CCDC171: variants seen among roughly 807,000 people sequenced by gnomAD.
CCDC171 encodes coiled-coil domain containing 171.
A neutral mutation model predicts 168.2 loss-of-function variants in CCDC171; 177 were observed. That is an observed-to-expected ratio of 1.05 (90% CI 0.93 to 1.19). The LOEUF is 1.19. Among genes scored for constraint, CCDC171 ranks in the 50% most tolerant of loss-of-function variants. The probability of loss-of-function intolerance (pLI) is 0.00; values close to 1 mark genes in which losing one functional copy is unlikely to be tolerated. For missense variants in CCDC171, 1,991 were observed against 1,539.0 expected (o/e 1.29, Z -4.91); for synonymous variants, 687 against 540.8 (o/e 1.27, Z -3.75).
chr9:15,605,342 T>C (rs2043140648), intron 6 of CCDC171, among the ~76,000 whole-genome samples: 1 of 151,888 alleles, frequency 6.6e-6, no homozygotes, highest in Non-Finnish European at 1.5e-5. Context: ...TATTAACAAA[T>C]GGCATAGAAA....
rs58951910 is a variant in CCDC171 at position 15,983,817 on chromosome 9, A to AGTGTGTGT, written n.369-36739_369-36732dup. 4.7e-3 allele frequency among the ~76,000 whole-genome samples: 669 copies of AGTGTGTGT among 142,588 alleles called. 1 individual carries two copies. The highest frequency in any genetic ancestry group is 0.011 in the Middle Eastern group (3 of 276). 93.5% of individuals were successfully genotyped at this position (142,588 alleles called of 152,430 possible). ...AGGGAGGCAAGAGCTAAATAAAGAG[A>AGTGTGTGT]GTGTGTGTGTGTGTGTGTGTGTGTG... On this transcript the variant is annotated intron_variant and non_coding_transcript_variant, in intron 3 of 9. Coordinates refer to the CCDC171 transcript ENST00000486641.
chr9:15,651,953 G>A (rs2047560608), intron 7 of CCDC171, among the ~76,000 whole-genome samples: 1 of 152,030 alleles, frequency 6.6e-6, no homozygotes, highest in South Asian at 2.1e-4. Context: ...TATTGCTGAG[G>A]CTGGAGTGCA....
chr9:15,916,578 C>G (rs1448088026), intron 24 of CCDC171, among the ~76,000 whole-genome samples: 1 of 151,740 alleles, frequency 6.6e-6, no homozygotes, highest in Non-Finnish European at 1.5e-5. Context: ...AATATCAGTC[C>G]CCCAACTATC....
intron 18 of CCDC171, among the ~76,000 whole-genome samples, chr9:15,757,035 T>C (rs894811961): frequency 2.6e-5 from 4 of 152,200 alleles, no homozygotes; most frequent in African/African-American, 7.2e-5. Context: ...GAAAATGGAC[T>C]AACTAATACA....
At chr9:16,037,886 G>A (rs1307350161), upstream of CCDC171, among the ~76,000 whole-genome samples, 2 of 151,980 alleles carry the variant, frequency 1.3e-5, no homozygotes, top group African/African-American at 4.8e-5. Flanking sequence ...GAAATATTCA[G>A]AGAGAAAAAA....
At chr9:16,044,420 C>T (rs371987342) in intron 1 of CCDC171, among the ~76,000 whole-genome samples, 3 of 151,294 alleles carry the variant, frequency 2.0e-5, no homozygotes, top group East Asian at 3.9e-4. Flanking sequence ...ATCCATTGCT[C>T]ATATACATAG....
At chr9:15,662,819 A>G (rs983047751) in intron 8 of CCDC171, among the ~76,000 whole-genome samples, 3 of 151,956 alleles carry the variant, frequency 2.0e-5, no homozygotes, top group African/African-American at 4.8e-5. Context: ...CTACTAAAAA[A>G]AAAATACCAA....
At chr9:15,563,607 T>C (rs1445257790) in intron 1 of CCDC171, among the ~76,000 whole-genome samples, 2 of 152,208 alleles carry the variant, frequency 1.3e-5, no homozygotes, top group African/African-American at 4.8e-5. Context: ...TGTCTACCAC[T>C]ATTTCCAACC....
chr9:15,585,867 T>C (rs1230146795), intron 4 of CCDC171, among the ~76,000 whole-genome samples: 2 of 151,992 alleles, frequency 1.3e-5, no homozygotes, highest in Non-Finnish European at 2.9e-5. Context: ...TTTCAACTAC[T>C]CAGGAGGCTG....
intron 3 of CCDC171, among the ~76,000 whole-genome samples, chr9:15,573,980 CTTTTA>C (rs2040436825): frequency 6.6e-6 from 1 of 152,008 alleles, no homozygotes; most frequent in Non-Finnish European, 1.5e-5. Context: ...ACACTGTTCT[CTTTTA>C]TTTGATCAAA....
rs992854203 is a variant in CCDC171 at position 15,947,098 on chromosome 9, A to G, written c.3754-24511A>G. On this transcript the variant is annotated intron_variant, in intron 25 of 25. Coordinates refer to ENST00000380701, the MANE Select transcript of CCDC171 (RefSeq NM_173550.4). Reference sequence around the variant, plus strand: ...ACTAAGTTGGGATTTTAGAAAGACAACAAATACCTATAATATGAATTTGGA... The same window carrying G: ...ACTAAGTTGGGATTTTAGAAAGACAGCAAATACCTATAATATGAATTTGGA... Among the ~76,000 whole-genome samples, 8 of 152,010 alleles carry G rather than the reference A, an allele frequency of 5.3e-5. No individual in the cohort carries two copies. In the East Asian group the frequency reaches 5.8e-4, roughly 11 times the overall value.
intron 21 of CCDC171, among the ~76,000 whole-genome samples, chr9:15,801,666 G>A (rs1277383474): frequency 1.3e-5 from 2 of 152,016 alleles, no homozygotes; most frequent in African/African-American, 4.8e-5. Flanking sequence ...TGTAACAGTG[G>A]TGAAAGTAGG....
intron 11 of CCDC171, among the ~76,000 whole-genome samples, chr9:15,718,001 CACAGGGTGGTAGA>C (rs1326896251): frequency 1.4e-5 from 2 of 146,352 alleles, no homozygotes; most frequent in Non-Finnish European, 3.1e-5. Context: ...TTAGCTTGGC[CACAGGGTGGTAGA>C]GCACCAAGTG....
chr9:15,661,296 A>C (rs7047409), intron 8 of CCDC171, among the ~76,000 whole-genome samples: 62,072 of 141,488 alleles, frequency 0.44, 15,295 homozygotes, highest in East Asian at 0.78. Context: ...AAAAAAAAAA[A>C]AAAAGTAACA....
At chr9:15,857,623 A>G (rs1213496508) in intron 23 of CCDC171, among the ~76,000 whole-genome samples, 1 of 151,830 alleles carries the variant, frequency 6.6e-6, no homozygotes, top group Non-Finnish European at 1.5e-5. Flanking sequence ...GAGTTTCACC[A>G]TGTTGGCCAG....
intron 25 of CCDC171, among the ~76,000 whole-genome samples, chr9:15,929,753 C>G (rs1301044337): frequency 6.6e-6 from 1 of 151,736 alleles, no homozygotes; most frequent in Non-Finnish European, 1.5e-5. Context: ...AGTTATCCTT[C>G]CAAAACACAG....
chr9:15,802,846 T>A (rs972967831), intron 21 of CCDC171, among the ~76,000 whole-genome samples: 4 of 152,112 alleles, frequency 2.6e-5, no homozygotes, highest in African/African-American at 7.2e-5. Context: ...GTCTTCCACA[T>A]GGTCAAACTA....
chr9:15,643,977 G>A (rs2132597966), intron 7 of CCDC171, among the ~76,000 whole-genome samples: 1 of 152,102 alleles, frequency 6.6e-6, no homozygotes. Flanking sequence ...TCATTCATTG[G>A]TTGATGGACA....
intron 9 of CCDC171, among the ~76,000 whole-genome samples, chr9:15,666,649 T>G (rs2048756166): frequency 6.6e-6 from 1 of 152,112 alleles, no homozygotes; most frequent in Admixed American, 6.5e-5. Context: ...ATAGTGAGAC[T>G]TTGTCTCTAC....
Sources: gnomAD v4.1 joint callset for allele counts (sites outside exome capture counted in the v4.1 genomes callset) on GRCh38, gnomAD v4.1.1 for gene constraint, MANE v1.5 for transcripts, NCBI Gene and HGNC (gene_info 2026-07-23, HGNC 2026-07-21) for gene names.